Variants in RAB11FIP4 observed in about 807,000 individuals in gnomAD.
RAB11FIP4 encodes RAB11 family interacting protein 4, also known as rab11 family-interacting protein 4.
In RAB11FIP4, 23 loss-of-function variants were observed where a neutral mutation model predicts 74.3. The ratio of observed to expected loss-of-function variants is 0.31; its 90% CI spans 0.22 to 0.44. RAB11FIP4 has a LOEUF of 0.44. RAB11FIP4 is among the 20% of genes least tolerant of loss of function. The pLI, the probability that RAB11FIP4 is intolerant of heterozygous loss-of-function variation, is 1.00. For synonymous variants in RAB11FIP4, 360 were observed against 359.9 expected (o/e 1.00, Z 0.00); for missense variants, 630 against 863.9 (o/e 0.73, Z 3.39).
At position 31,537,444 on chromosome 17, in the gene RAB11FIP4, T is replaced by G; in HGVS notation, c.*5712T>G. ...CTGCAGCTAATTTAGGAGCCTTGCA[T>G]TCCAGAAAAGGGCAACTTTGTGTAA... is the stretch of plus-strand genomic sequence containing the variant. On this transcript the variant is annotated 3_prime_UTR_variant, in exon 15 of 15. Coordinates refer to ENST00000621161, the MANE Select transcript of RAB11FIP4 (RefSeq NM_032932.6). 2.6e-6 allele frequency: 1 copy of G among 381,516 alleles called. No individual in the cohort carries two copies. The highest frequency in any genetic ancestry group is 3.7e-5 in the East Asian group (1 of 26,770). The allele number at this position is 381,516 out of a possible 1,614,324, so 23.6% of individuals were successfully genotyped here.
At position 31,503,508 on chromosome 17, in the gene RAB11FIP4, C is replaced by T. The variant is rs1654303288; in HGVS notation, c.337-14143C>T. Among the ~76,000 whole-genome samples the T allele has an allele frequency of 2.0e-5, 3 of 149,784 alleles. 1 individual carries two copies. The highest frequency in any genetic ancestry group is 7.7e-5 in the African/African-American group (3 of 39,138). On this transcript the variant is annotated intron_variant, in intron 3 of 14. Transcript: ENST00000621161. ...AGAGGAAGAGGAGGGTGGGCAAAGC[C>T]TGGCAGAGTAGAGGGGAGGCAGTTC...
intron 3 of RAB11FIP4, among the ~76,000 whole-genome samples, chr17:31,505,128 G>A (rs1227296030): frequency 2.0e-5 from 3 of 151,984 alleles, no homozygotes; most frequent in African/African-American, 7.2e-5. Context: ...TCCAATTAGT[G>A]ATGCTAAATT....
At chr17:31,494,629 A>AT (rs1342130170) in intron 3 of RAB11FIP4, among the ~76,000 whole-genome samples, 1 of 148,284 alleles carries the variant, frequency 6.7e-6, no homozygotes, top group African/African-American at 2.5e-5. Context: ...TTTTTTTTCA[A>AT]TTTTAATTTT....
intron 1 of RAB11FIP4, among the ~76,000 whole-genome samples, chr17:31,398,870 G>A (rs2070957122): frequency 1.3e-5 from 2 of 150,892 alleles, no homozygotes; most frequent in South Asian, 2.1e-4. Context: ...ACCTGGGAAC[G>A]GGGGCGATGG....
At chr17:31,417,733 T>G (rs992681757) in intron 1 of RAB11FIP4, among the ~76,000 whole-genome samples, 1 of 152,242 alleles carries the variant, frequency 6.6e-6, no homozygotes. Flanking sequence ...CTAAAGAGTG[T>G]GCTTGAATTC....
At position 31,474,703 on chromosome 17, in the gene RAB11FIP4, G is replaced by C. The variant is rs576347508; in HGVS notation, c.336+40581G>C. On this transcript the variant is annotated intron_variant, in intron 3 of 14. Transcript: ENST00000621161. ...AAAAAAAGAGAGAAAGTGTTTAAAG[G>C]AGAGATCCGGTGCCTGTAATCCCAT... Among the ~76,000 whole-genome samples, 4 of 151,614 alleles carry C rather than the reference G, an allele frequency of 2.6e-5. No individual in the cohort carries two copies. The East Asian group carries it at 7.8e-4, about 29-fold the overall frequency.
chr17:31,434,689 C>T (rs2071341707), intron 3 of RAB11FIP4, among the ~76,000 whole-genome samples: 2 of 152,158 alleles, frequency 1.3e-5, no homozygotes, highest in South Asian at 4.1e-4. Context: ...CTGGGTAATT[C>T]ACTGGAAACA....
chr17:31,510,559 G>A (rs918351795), intron 3 of RAB11FIP4, among the ~76,000 whole-genome samples: 1 of 152,216 alleles, frequency 6.6e-6, no homozygotes, highest in Admixed American at 6.5e-5. Flanking sequence ...GAACCTCGGA[G>A]CTTCTTGGAC....
intron 3 of RAB11FIP4, chr17:31,488,257 A>G: frequency 8.5e-7 from 1 of 1,169,778 alleles, no homozygotes; most frequent in Non-Finnish European, 1.1e-6. Context: ...GCACCCCGCC[A>G]GCTCTCGGGA....
rs1408347730 is a variant in RAB11FIP4, at chr17:31,522,400, G to A, written c.929+5G>A. The A allele has an allele frequency of 6.2e-7, 1 of 1,613,702 alleles. No individual in the cohort carries two copies. The highest frequency in any genetic ancestry group is 1.1e-5 in the South Asian group (1 of 91,060). Reference sequence around the variant, plus strand: ...CTCCAGCACGGCCTTTGGACGGTAAGGCCCGCCTCGAGGGAGGGCAAATTG... The same window carrying A: ...CTCCAGCACGGCCTTTGGACGGTAAAGCCCGCCTCGAGGGAGGGCAAATTG... On this transcript the variant is annotated splice_donor_5th_base_variant and intron_variant, in intron 7 of 14. Coordinates refer to ENST00000621161, the MANE Select transcript of RAB11FIP4 (RefSeq NM_032932.6).
chr17:31,454,399 G>A (rs1361648813), intron 3 of RAB11FIP4, among the ~76,000 whole-genome samples: 9 of 151,948 alleles, frequency 5.9e-5, no homozygotes, highest in African/African-American at 1.9e-4. Flanking sequence ...TCAGCCTCCC[G>A]AGTAGCTGGG....
chr17:31,491,369 G>A (rs773225495), intron 3 of RAB11FIP4, among the ~76,000 whole-genome samples: 12 of 152,218 alleles, frequency 7.9e-5, no homozygotes, highest in Non-Finnish European at 1.3e-4. Flanking sequence ...CAAAACAGAC[G>A]AGAACCCCTG....
At chr17:31,436,165 G>A (rs1043509878) in intron 3 of RAB11FIP4, among the ~76,000 whole-genome samples, 1 of 152,178 alleles carries the variant, frequency 6.6e-6, no homozygotes, top group African/African-American at 2.4e-5. Context: ...TGGAACCTGA[G>A]CACGTTCTTC....
At chr17:31,519,780 C>T (rs1336002823) in intron 4 of RAB11FIP4, among the ~76,000 whole-genome samples, 4 of 152,030 alleles carry the variant, frequency 2.6e-5, no homozygotes, top group Non-Finnish European at 5.9e-5. Flanking sequence ...TCCTGATGTT[C>T]TTGGTGGGGC....
intron 3 of RAB11FIP4, among the ~76,000 whole-genome samples, chr17:31,465,309 C>T (rs535469620): frequency 3.3e-5 from 5 of 152,140 alleles, no homozygotes; most frequent in African/African-American, 1.2e-4. Flanking sequence ...TCCTAGGCCC[C>T]ATTGACTAGC....
chr17:31,505,428 T>A (rs1597963962), intron 3 of RAB11FIP4, among the ~76,000 whole-genome samples: 1 of 70,322 alleles, frequency 1.4e-5, no homozygotes, highest in Non-Finnish European at 2.5e-5. Context: ...TATATTAATA[T>A]ATAATTATTA....
At chr17:31,529,806 G>T (rs907942313) in intron 13 of RAB11FIP4, among the ~76,000 whole-genome samples, 3 of 152,206 alleles carry the variant, frequency 2.0e-5, no homozygotes, top group African/African-American at 7.2e-5. Flanking sequence ...GTCTAGGGGT[G>T]GGGTGCCCAG....
chr17:31,498,644 G>T (rs1567677709), intron 3 of RAB11FIP4, among the ~76,000 whole-genome samples: 1 of 152,218 alleles, frequency 6.6e-6, no homozygotes, highest in Non-Finnish European at 1.5e-5. Flanking sequence ...CAGAGGAGGA[G>T]CTGGGTGGGA....
chr17:31,423,948 C>T (rs960367911), intron 1 of RAB11FIP4, among the ~76,000 whole-genome samples: 1 of 152,030 alleles, frequency 6.6e-6, no homozygotes, highest in Non-Finnish European at 1.5e-5. Flanking sequence ...CACCACCTAA[C>T]CTTTGGGACA....
Sources: gnomAD v4.1 joint callset for allele counts (sites outside exome capture counted in the v4.1 genomes callset) on GRCh38, gnomAD v4.1.1 for gene constraint, MANE v1.5 for transcripts, NCBI Gene and HGNC (gene_info 2026-07-23, HGNC 2026-07-21) for gene names.